MYO3B: variants seen among roughly 807,000 people sequenced by gnomAD.
MYO3B encodes the protein myosin-IIIb.
Under a neutral mutation model 174.6 loss-of-function variants are expected in MYO3B, and 156 were observed. The observed-to-expected ratio is 0.89, with a 90% CI of 0.78 to 1.02. The LOEUF (loss-of-function observed/expected upper bound fraction) is 1.02, where lower values mean the gene tolerates loss of function less well. MYO3B is among the 50% of genes least tolerant of loss of function. MYO3B has a pLI of 0.00. For missense variants in MYO3B, 1,632 were observed against 1,639.4 expected (o/e 1.00, Z 0.08); for synonymous variants, 563 against 569.1 (o/e 0.99, Z 0.15).
At chr2:170,216,384 C>G (rs1217032855) in intron 5 of MYO3B, among the ~76,000 whole-genome samples, 1 of 152,120 alleles carries the variant, frequency 6.6e-6, no homozygotes, top group Non-Finnish European at 1.5e-5. Context: ...AAGAACCCTC[C>G]GTGTTAGGTG....
At chr2:170,228,960 C>CAAAAAAAAA (rs539746576) in intron 6 of MYO3B, among the ~76,000 whole-genome samples, 1 of 98,324 alleles carries the variant, frequency 1.0e-5, no homozygotes, top group African/African-American at 3.4e-5. Flanking sequence ...ATTCCCTTTA[C>CAAAAAAAAA]AAAAAAAAAA....
intron 31 of MYO3B, among the ~76,000 whole-genome samples, chr2:170,543,342 G>C (rs929493441): frequency 2.0e-5 from 3 of 152,098 alleles, no homozygotes; most frequent in African/African-American, 7.2e-5. Context: ...TGAAATGGAG[G>C]CGTCTCTCTG....
At chr2:170,273,902 G>GGGGGGCACC in intron 7 of MYO3B, among the ~76,000 whole-genome samples, 1 of 152,184 alleles carries the variant, frequency 6.6e-6, no homozygotes, top group African/African-American at 2.4e-5. Flanking sequence ...TTAAATGGCA[G>GGGGGGCACC]TGGGGGGGCA....
At chr2:170,447,993 T>C (rs1401456777) in intron 23 of MYO3B, among the ~76,000 whole-genome samples, 2 of 152,198 alleles carry the variant, frequency 1.3e-5, no homozygotes, top group Non-Finnish European at 2.9e-5. Flanking sequence ...CTGTAAAATA[T>C]CTCAAGCATT....
chr2:170,474,176 T>A (rs1471152986), intron 25 of MYO3B, among the ~76,000 whole-genome samples: 2 of 152,178 alleles, frequency 1.3e-5, no homozygotes, highest in East Asian at 3.9e-4. Context: ...TCCTTACATG[T>A]TGGCAAAGAT....
chr2:170,359,795 A>G (rs1414155157), intron 8 of MYO3B, among the ~76,000 whole-genome samples: 4 of 152,194 alleles, frequency 2.6e-5, no homozygotes, highest in Non-Finnish European at 5.9e-5. Flanking sequence ...TCTAGTGCTT[A>G]TACTTTTCAG....
chr2:170,504,166 C>T (rs967401533), intron 28 of MYO3B, among the ~76,000 whole-genome samples: 1 of 152,172 alleles, frequency 6.6e-6, no homozygotes, highest in African/African-American at 2.4e-5. Flanking sequence ...CAGGAAGTGG[C>T]TTAGGGATGT....
intron 32 of MYO3B, among the ~76,000 whole-genome samples, chr2:170,643,451 A>C (rs1468125282): frequency 6.6e-6 from 1 of 152,174 alleles, no homozygotes; most frequent in Non-Finnish European, 1.5e-5. Flanking sequence ...AAATGCCCTG[A>C]GAACCTTGGT....
intron 32 of MYO3B, among the ~76,000 whole-genome samples, chr2:170,550,504 C>G (rs941988668): frequency 2.0e-5 from 3 of 152,200 alleles, no homozygotes; most frequent in Non-Finnish European, 4.4e-5. Context: ...TTGAAAATCA[C>G]TGCTCTGGAC....
At chr2:170,389,574 C>T (rs549702945) in intron 14 of MYO3B, among the ~76,000 whole-genome samples, 2 of 152,130 alleles carry the variant, frequency 1.3e-5, no homozygotes, top group East Asian at 1.9e-4. Flanking sequence ...GGATGGATGT[C>T]GGCAGGAAAA....
chr2:170,296,287 G>A (rs2093628379), intron 7 of MYO3B, among the ~76,000 whole-genome samples: 1 of 152,178 alleles, frequency 6.6e-6, no homozygotes, highest in African/African-American at 2.4e-5. Flanking sequence ...GAGACAAGAA[G>A]CTTATCCAAT....
intron 25 of MYO3B, among the ~76,000 whole-genome samples, chr2:170,488,876 C>A (rs1336018213): frequency 6.6e-6 from 1 of 152,230 alleles, no homozygotes; most frequent in Non-Finnish European, 1.5e-5. Flanking sequence ...TCCTGATACA[C>A]TAATCCAAAT....
intron 30 of MYO3B, among the ~76,000 whole-genome samples, chr2:170,522,033 G>A (rs1688699149): frequency 6.6e-6 from 1 of 152,066 alleles, no homozygotes. Flanking sequence ...CTTGCTCAGA[G>A]GTATTCTCAG....
rs192175558 is a variant in MYO3B, at chr2:170,182,604, T to C, written c.2+4315T>C. 1.6e-3 allele frequency among the ~76,000 whole-genome samples: 229 copies of C among 144,766 alleles called. 1 individual carries two copies. The highest frequency in any genetic ancestry group is 5.2e-3 in the African/African-American group (213 of 40,756). The allele number at this position is 144,766 out of a possible 152,430, so 95.0% of individuals were successfully genotyped here. A position where few individuals can be genotyped will look rare whatever the true frequency, so the allele number is the denominator to read the frequency against. ...AAATTTTCATGTTATGTGTTTTTCTTTTTCTGTTTCTTTTTTTTTTTTTTT... is the reference window on the plus strand; with the variant it reads ...AAATTTTCATGTTATGTGTTTTTCTCTTTCTGTTTCTTTTTTTTTTTTTTT... On this transcript the variant is annotated intron_variant, in intron 1 of 34. Transcript: ENST00000408978.
chr2:170,300,486 T>C (rs2093658950), intron 7 of MYO3B, among the ~76,000 whole-genome samples: 1 of 152,196 alleles, frequency 6.6e-6, no homozygotes, highest in African/African-American at 2.4e-5. Context: ...CGTGTCCCTC[T>C]GGGGAGTAAT....
chr2:170,213,466 T>C (rs956662807), intron 3 of MYO3B, among the ~76,000 whole-genome samples: 1 of 152,188 alleles, frequency 6.6e-6, no homozygotes, highest in Non-Finnish European at 1.5e-5. Flanking sequence ...CTGGAATCTA[T>C]AGATAACATA....
At chr2:170,535,101 G>A (rs1269673028) in intron 30 of MYO3B, among the ~76,000 whole-genome samples, 1 of 152,094 alleles carries the variant, frequency 6.6e-6, no homozygotes, top group Non-Finnish European at 1.5e-5. Context: ...ATGCTACATA[G>A]TTACTTTTCT....
intron 25 of MYO3B, among the ~76,000 whole-genome samples, chr2:170,467,998 A>G (rs1189571410): frequency 6.6e-6 from 1 of 152,164 alleles, no homozygotes; most frequent in Non-Finnish European, 1.5e-5. Context: ...ATGTTTGAAT[A>G]CATAAAAATA....
intron 32 of MYO3B, among the ~76,000 whole-genome samples, chr2:170,565,976 A>G (rs1454058917): frequency 6.6e-6 from 1 of 152,192 alleles, no homozygotes; most frequent in African/African-American, 2.4e-5. Flanking sequence ...TCCTATGCTC[A>G]AATGCTTTTC....
Sources: allele counts gnomAD v4.1 joint callset (sites outside exome capture counted in the v4.1 genomes callset), GRCh38; gene constraint gnomAD v4.1.1; transcripts MANE v1.5; gene names NCBI Gene and HGNC (gene_info 2026-07-23, HGNC 2026-07-21).